The following ULK2 variants were observed in gnomAD, a reference collection of about 807,000 sequenced individuals.
ULK2 encodes the protein unc-51 like autophagy activating kinase 2, also known as serine/threonine-protein kinase ULK2.
A neutral mutation model predicts 127.5 loss-of-function variants in ULK2; 76 were observed. The observed-to-expected ratio is 0.60, with a 90% CI of 0.50 to 0.72. The LOEUF (loss-of-function observed/expected upper bound fraction) is 0.72. ULK2 is among the 30% of genes least tolerant of loss of function. The probability of loss-of-function intolerance (pLI) is 0.00; values close to 1 mark genes in which losing one functional copy is unlikely to be tolerated. For synonymous variants in ULK2, 452 were observed against 461.9 expected (o/e 0.98, Z 0.28); for missense variants, 1,144 against 1,295.9 (o/e 0.88, Z 1.80).
At chr17:19,780,728 CTA>C in intron 24 of ULK2, 99 bp from the exon 25 acceptor site, 2 of 1,292,890 alleles carry the variant, frequency 1.5e-6, no homozygotes, top group African/African-American at 3.0e-5. Flanking sequence ...GAAGGTGTCA[CTA>C]TGTGATCATT....
intron 3 of ULK2, among the ~76,000 whole-genome samples, chr17:19,858,500 C>T (rs1406994111): frequency 6.6e-6 from 1 of 152,152 alleles, no homozygotes; most frequent in Non-Finnish European, 1.5e-5. Flanking sequence ...CTACTTTGTT[C>T]ACCACTATAC....
rs1340749607 is a variant in ULK2 at position 19,846,696 on chromosome 17, C to A, written c.469+41G>T. 9 of 1,493,350 alleles carry A rather than the reference C, an allele frequency of 6.0e-6. No homozygotes were observed. In the South Asian group the frequency reaches 1.1e-4, roughly 19 times the overall value. 92.5% of individuals were successfully genotyped at this position (1,493,350 alleles called of 1,614,324 possible). On this transcript the variant is annotated intron_variant, in intron 6 of 26. Coordinates refer to ENST00000395544, the MANE Select transcript of ULK2 (RefSeq NM_014683.4). ...AGCTAAAGTTGTCTAAAAATAGTTT[C>A]AAAAAATGTCCTTTCCATGACACAA...
Position 19,783,870 on chromosome 17 carries a change from T to A in ULK2, c.2287A>T (p.Met763Leu). 1 of 1,564,212 alleles carries A rather than the reference T, an allele frequency of 6.4e-7. No individual in the cohort carries two copies. Among genetic ancestry groups the A allele is most frequent in the East Asian group, 2.3e-5 (1 of 42,896 alleles). Residue 763 changes from methionine to leucine, a missense_variant, in exon 22 of 27, where the codon ATG (methionine) becomes TTG (leucine). Around this residue, in one of 2 missense-constraint regions of ULK2, gnomAD observed 913 missense variants for 970.5 expected, o/e 0.94. Transcript: ENST00000395544. ...PSNSGGSLCA[M>L]SGRVCVGSPP... ...GACCCCACGCACACGCGGCCACTCA[T>A]GGCACAAAGAGAGCCCCCGGAGTTG...
chr17:19,812,705 T>C (rs920232862), intron 13 of ULK2, among the ~76,000 whole-genome samples: 1 of 152,218 alleles, frequency 6.6e-6, no homozygotes, highest in African/African-American at 2.4e-5. Context: ...AGGGATGGTT[T>C]CTACTGAATG....
intron 7 of ULK2, among the ~76,000 whole-genome samples, chr17:19,844,531 C>T (rs1326023463): frequency 6.6e-6 from 1 of 151,742 alleles, no homozygotes; most frequent in Non-Finnish European, 1.5e-5. Context: ...TAATTTTATA[C>T]TCAAGAAGTA....
In ULK2 at chr17:19,799,606, A is replaced by C. The variant is rs115358400; in HGVS notation, c.1442-31T>G. Reference sequence around the variant, plus strand: ...AAAAAAAAAAAAAAAAAGATGGGGAAAGGAAGAAAAATGATCAAAAACCAA... The same window carrying C: ...AAAAAAAAAAAAAAAAAGATGGGGACAGGAAGAAAAATGATCAAAAACCAA... On this transcript the variant is annotated intron_variant, in intron 16 of 26. Coordinates refer to ENST00000395544, the MANE Select transcript of ULK2 (RefSeq NM_014683.4). The C allele has an allele frequency of 1.6e-3, 2,391 of 1,486,020 alleles. 33 individuals carry two copies. The African/African-American group carries it at 0.024, about 15-fold the overall frequency. 92.1% of individuals were successfully genotyped at this position (1,486,020 alleles called of 1,614,324 possible).
At chr17:19,790,987 C>T (rs1187881367) in intron 20 of ULK2, among the ~76,000 whole-genome samples, 3 of 152,172 alleles carry the variant, frequency 2.0e-5, no homozygotes, top group Non-Finnish European at 4.4e-5. Context: ...GCACCCTACA[C>T]GAGCATACAG....
At position 19,794,939 on chromosome 17, in the gene ULK2, C is replaced by T. The variant is rs113582065; in HGVS notation, c.2101+683G>A. Among the ~76,000 whole-genome samples the T allele has an allele frequency of 8.0e-3, 1,217 of 152,038 alleles. 7 individuals carry two copies. Among genetic ancestry groups the T allele is most frequent in the Non-Finnish European group, 0.013 (916 of 67,962 alleles). On this transcript the variant is annotated intron_variant, in intron 20 of 26. Coordinates refer to ENST00000395544, the MANE Select transcript of ULK2 (RefSeq NM_014683.4). ...TAAAAATACAAAAAAATTAGCCAGGCGTAGTGGCGGGCGCCTATAGTCCCA... is the reference window on the plus strand; with the variant it reads ...TAAAAATACAAAAAAATTAGCCAGGTGTAGTGGCGGGCGCCTATAGTCCCA...
chr17:19,853,593 CAA>C (rs2042063616), intron 3 of ULK2, among the ~76,000 whole-genome samples: 1 of 145,792 alleles, frequency 6.9e-6, no homozygotes, highest in African/African-American at 2.6e-5. Flanking sequence ...TTTTTTGAGA[CAA>C]GAGTCTCACT....
At chr17:19,782,463 ACTT>A (rs1391272262) in intron 22 of ULK2, among the ~76,000 whole-genome samples, 1 of 152,206 alleles carries the variant, frequency 6.6e-6, no homozygotes, top group African/African-American at 2.4e-5. Context: ...AATTCTGCTG[ACTT>A]CTTATAATTT....
chr17:19,799,384 CAG>C (rs2087344638), intron 17 of ULK2, 109 bp downstream of exon 17: 6 of 904,372 alleles, frequency 6.6e-6, no homozygotes, highest in Non-Finnish European at 9.3e-6. Flanking sequence ...ATCAGGATGG[CAG>C]AGGAGATATT....
intron 14 of ULK2, among the ~76,000 whole-genome samples, chr17:19,806,370 T>A (rs1327309135): frequency 6.6e-6 from 1 of 152,194 alleles, no homozygotes; most frequent in Non-Finnish European, 1.5e-5. Flanking sequence ...CCTGTACTGG[T>A]TAATCTCCAA....
intron 7 of ULK2, among the ~76,000 whole-genome samples, 167 bp downstream of exon 7, chr17:19,845,137 G>T (rs2041850190): frequency 6.6e-6 from 1 of 152,110 alleles, no homozygotes; most frequent in Non-Finnish European, 1.5e-5. Flanking sequence ...CTATGCTAAG[G>T]CAAAAGATGT....
rs371640578 is a variant in ULK2, at chr17:19,798,956, T to C, written c.1522+539A>G. Among the ~76,000 whole-genome samples the C allele has an allele frequency of 1.4e-4, 21 of 150,020 alleles. 1 individual carries two copies. The East Asian group carries it at 2.9e-3, about 21-fold the overall frequency. ...GGCGGGTGTATCACAGGGTCAGGAG[T>C]TCGAGACTAGCCTGGCCAATATGGT... On this transcript the variant is annotated intron_variant, in intron 17 of 26. Coordinates refer to ENST00000395544, the MANE Select transcript of ULK2 (RefSeq NM_014683.4).
At chr17:19,856,849 C>G (rs148664933) in intron 3 of ULK2, among the ~76,000 whole-genome samples, 3 of 147,854 alleles carry the variant, frequency 2.0e-5, no homozygotes, top group African/African-American at 7.5e-5. Context: ...TGGTGGTAGG[C>G]GCCTGTAGTC....
chr17:19,784,072 A>T, intron 21 of ULK2, 167 bp from the exon 22 acceptor site: 1 of 459,564 alleles, frequency 2.2e-6, no homozygotes, highest in South Asian at 1.2e-4. Flanking sequence ...GTTTTTACTT[A>T]TCCATGTTCA....
Position 19,838,523 on chromosome 17 carries a change from G to A in ULK2, c.765C>T (p.Asn255=), listed in dbSNP as rs1444132616. The change falls in exon 10 of 27, where the codon AAC becomes AAT. Residue 255 remains asparagine, a synonymous_variant. Coordinates refer to ENST00000395544, the MANE Select transcript of ULK2 (RefSeq NM_014683.4). ...TACCAAAGTCCATTCTATCTTTTTG[G>A]TTTCTCTGAAGCAAACCCAAAAGGA... ...ANLLLGLLQR[N]QKDRMDFEAF... is the part of the protein sequence containing the mutation. 2 of 1,610,998 alleles carry A rather than the reference G, an allele frequency of 1.2e-6. No homozygotes were observed. The highest frequency in any genetic ancestry group is 8.5e-7 in the Non-Finnish European group (1 of 1,179,166).
At chr17:19,797,247 A>C (rs1168544949) in intron 18 of ULK2, 149 bp downstream of exon 18, 1 of 801,468 alleles carries the variant, frequency 1.2e-6, no homozygotes, top group East Asian at 3.1e-5. Context: ...TGATGAGCTG[A>C]GGTTGTGCCA....
chr17:19,811,679 T>C (rs1401814318), intron 13 of ULK2, among the ~76,000 whole-genome samples: 1 of 152,104 alleles, frequency 6.6e-6, no homozygotes, highest in African/African-American at 2.4e-5. Context: ...TGACCTCAAG[T>C]GATCTGCCCA....
Sources: gnomAD v4.1 joint callset for allele counts (sites outside exome capture counted in the v4.1 genomes callset) on GRCh38, gnomAD v4.1.1 for gene constraint, gnomAD v4.1.1 regional missense constraint, MANE v1.5 for transcripts, NCBI Gene and HGNC (gene_info 2026-07-23, HGNC 2026-07-21) for gene names.